NRXN3: variants seen among roughly 807,000 people sequenced by gnomAD.
The protein encoded by NRXN3 is neurexin III.
In NRXN3, 32 loss-of-function variants were observed where a neutral mutation model predicts 137.6. That is an observed-to-expected ratio of 0.23 (90% CI 0.18 to 0.31). NRXN3 has a LOEUF of 0.31. Ranked by LOEUF, NRXN3 falls within the 10% of genes least tolerant of loss-of-function variation. The probability of loss-of-function intolerance (pLI) is 1.00; values close to 1 mark genes in which losing one functional copy is unlikely to be tolerated. For synonymous variants in NRXN3, 798 were observed against 784.5 expected (o/e 1.02, Z -0.29); for missense variants, 1,574 against 2,062.5 (o/e 0.76, Z 4.59).
intron 17 of NRXN3, among the ~76,000 whole-genome samples, chr14:79,665,249 T>C (rs1048781411): frequency 6.6e-6 from 1 of 152,080 alleles, no homozygotes; most frequent in Non-Finnish European, 1.5e-5. Flanking sequence ...ACCCCCAAGG[T>C]ATTGAGGCAA....
intron 4 of NRXN3, among the ~76,000 whole-genome samples, chr14:78,419,281 C>T (rs2093318886): frequency 6.6e-6 from 1 of 152,078 alleles, no homozygotes; most frequent in African/African-American, 2.4e-5. Flanking sequence ...CTCTGTCACC[C>T]AGGCTGGAGT....
chr14:79,108,955 A>G (rs1310135435), intron 15 of NRXN3, among the ~76,000 whole-genome samples: 1 of 152,196 alleles, frequency 6.6e-6, no homozygotes, highest in Non-Finnish European at 1.5e-5. Context: ...TGAGTTGGAC[A>G]GCATTGGAGC....
At chr14:78,450,692 C>A (rs191487702) in intron 4 of NRXN3, among the ~76,000 whole-genome samples, 1 of 152,306 alleles carries the variant, frequency 6.6e-6, no homozygotes, top group Admixed American at 6.5e-5. Context: ...TCTCCCTCTG[C>A]CTGCTGTGGA....
At chr14:79,321,252 T>G (rs1298076076) in intron 15 of NRXN3, among the ~76,000 whole-genome samples, 1 of 152,058 alleles carries the variant, frequency 6.6e-6, no homozygotes, top group Non-Finnish European at 1.5e-5. Context: ...AAAAAATGAG[T>G]TTGTTAGATT....
intron 16 of NRXN3, among the ~76,000 whole-genome samples, chr14:79,538,167 A>T (rs1340675157): frequency 6.6e-6 from 1 of 151,764 alleles, no homozygotes; most frequent in African/African-American, 2.4e-5. Flanking sequence ...AATTTGTTTG[A>T]GTTCATTGTA....
intron 10 of NRXN3, among the ~76,000 whole-genome samples, chr14:78,855,501 G>T (rs2099054624): frequency 1.3e-5 from 2 of 152,062 alleles, no homozygotes; most frequent in Non-Finnish European, 2.9e-5. Context: ...GTGTTTTCCT[G>T]AATTATATGT....
intron 1 of NRXN3, among the ~76,000 whole-genome samples, chr14:78,177,528 A>G (rs903171569): frequency 6.6e-6 from 1 of 152,062 alleles, no homozygotes; most frequent in Non-Finnish European, 1.5e-5. Context: ...GTGTGGGGAG[A>G]CAGTGTCTGT....
intron 4 of NRXN3, among the ~76,000 whole-genome samples, chr14:78,474,155 G>A (rs1365674223): frequency 1.3e-5 from 2 of 152,118 alleles, no homozygotes; most frequent in Non-Finnish European, 2.9e-5. Flanking sequence ...CAGCTTAGAG[G>A]ACTAATTATC....
At chr14:79,780,541 G>A (rs1396564928) in intron 19 of NRXN3, among the ~76,000 whole-genome samples, 6 of 151,996 alleles carry the variant, frequency 3.9e-5, no homozygotes, top group African/African-American at 7.2e-5. Flanking sequence ...CCCGGGAGGC[G>A]GAGCTTGCAG....
At chr14:78,830,624 A>G (rs1157976763) in intron 10 of NRXN3, among the ~76,000 whole-genome samples, 2 of 151,914 alleles carry the variant, frequency 1.3e-5, no homozygotes, top group African/African-American at 4.8e-5. Context: ...TTTGTAACTG[A>G]TATAATGCCA....
chr14:79,351,535 G>A (rs1010143601), intron 15 of NRXN3, among the ~76,000 whole-genome samples: 2 of 152,144 alleles, frequency 1.3e-5, no homozygotes, highest in African/African-American at 2.4e-5. Context: ...ATATGACAAT[G>A]AGCAAGTCAC....
intron 16 of NRXN3, among the ~76,000 whole-genome samples, chr14:79,646,496 A>G (rs221463): frequency 0.51 from 68,664 of 134,762 alleles, 26,184 homozygotes; most frequent in African/African-American, 0.83. Flanking sequence ...TAAGGCTTTC[A>G]GCAGTCAGCA....
intron 16 of NRXN3, among the ~76,000 whole-genome samples, chr14:79,583,448 T>TG (rs113693815): frequency 1.1e-4 from 17 of 151,880 alleles, no homozygotes; most frequent in African/African-American, 3.9e-4. Flanking sequence ...ACTTTTTTTT[T>TG]ATATTTGTTG....
At chr14:78,892,736 G>C (rs1183236462) in intron 10 of NRXN3, among the ~76,000 whole-genome samples, 1 of 150,336 alleles carries the variant, frequency 6.7e-6, no homozygotes, top group African/African-American at 2.4e-5. Context: ...GACACAGCAG[G>C]CAACTTAATT....
rs1428581658 is a variant in NRXN3 at position 79,093,892 on chromosome 14, T to C, written c.3262+105751T>C. 7.3e-4 allele frequency among the ~76,000 whole-genome samples: 15 copies of C among 20,526 alleles called. No individual in the cohort carries two copies. In the Admixed American group the frequency reaches 0.019, roughly 26 times the overall value. The allele number at this position is 20,526 out of a possible 152,430, so 13.5% of individuals were successfully genotyped here. A position where few individuals can be genotyped will look rare whatever the true frequency, so the allele number is the denominator to read the frequency against. On this transcript the variant is annotated intron_variant, in intron 15 of 20. Transcript: ENST00000335750. ...ACTGACGAGTCATATATCATTCTGA[T>C]TGATTTTTTTTTTCTTTTTTCTTTT...
At chr14:79,262,224 A>G (rs1043337275) in intron 15 of NRXN3, among the ~76,000 whole-genome samples, 12 of 152,148 alleles carry the variant, frequency 7.9e-5, no homozygotes, top group East Asian at 1.9e-4. Flanking sequence ...GAAGTGCCCA[A>G]TCCTCACATT....
At chr14:79,445,537 C>T (rs2096049077) in intron 15 of NRXN3, among the ~76,000 whole-genome samples, 6 of 152,104 alleles carry the variant, frequency 3.9e-5, no homozygotes, top group Admixed American at 3.3e-4. Flanking sequence ...CACCTTACTG[C>T]TCATGGGATA....
At chr14:78,419,961 G>GCGCGCACACACACACACACACACACA (rs1555518606) in intron 4 of NRXN3, among the ~76,000 whole-genome samples, 1 of 49,150 alleles carries the variant, frequency 2.0e-5, no homozygotes, top group African/African-American at 4.5e-5. Flanking sequence ...GCGCGCGCAC[G>GCGCGCACACACACACACACACACACA]CACACACACA....
chr14:79,535,058 G>C (rs2097199771), intron 16 of NRXN3, among the ~76,000 whole-genome samples: 1 of 152,142 alleles, frequency 6.6e-6, no homozygotes, highest in Non-Finnish European at 1.5e-5. Flanking sequence ...AGCTATTTTT[G>C]AGGTCTCTTT....
Sources: gnomAD v4.1 joint callset for allele counts (sites outside exome capture counted in the v4.1 genomes callset) on GRCh38, gnomAD v4.1.1 for gene constraint, MANE v1.5 for transcripts, NCBI Gene and HGNC (gene_info 2026-07-23, HGNC 2026-07-21) for gene names.